The following SRI variants were observed in gnomAD, a reference collection of about 807,000 sequenced individuals.
The protein encoded by SRI is 22 kDa protein.
Under a neutral mutation model 33.3 loss-of-function variants are expected in SRI, and 30 were observed. That is an observed-to-expected ratio of 0.90 (90% CI 0.67 to 1.22). The LOEUF (loss-of-function observed/expected upper bound fraction) is 1.22. Among genes scored for constraint, SRI ranks in the 50% most tolerant of loss-of-function variants. SRI has a pLI of 0.00. For missense variants in SRI, 243 were observed against 250.8 expected (o/e 0.97, Z 0.21); for synonymous variants, 75 against 89.9 (o/e 0.83, Z 0.94).
At chr7:88,207,507 TTTTG>T (rs143320694) in intron 7 of SRI, among the ~76,000 whole-genome samples, 34,173 of 151,968 alleles carry the variant, frequency 0.22, 4,738 homozygotes, top group African/African-American at 0.4. Context: ...CTACAAGTTT[TTTTG>T]TTTGTTTGTT....
At chr7:88,213,586 A>T (rs959627760) in intron 3 of SRI, among the ~76,000 whole-genome samples, 6 of 152,088 alleles carry the variant, frequency 3.9e-5, no homozygotes, top group Non-Finnish European at 8.8e-5. Context: ...ATTCTATGTG[A>T]TTCCACAGCC....
At chr7:88,213,750 A>G (rs555267575) in intron 3 of SRI, among the ~76,000 whole-genome samples, 2 of 152,338 alleles carry the variant, frequency 1.3e-5, no homozygotes, top group African/African-American at 4.8e-5. Flanking sequence ...AGAGCCCTGC[A>G]CTTTATATGT....
intron 3 of SRI, among the ~76,000 whole-genome samples, chr7:88,213,034 C>A (rs1851616146): frequency 1.3e-5 from 2 of 152,182 alleles, no homozygotes; most frequent in Non-Finnish European, 2.9e-5. Context: ...TCAGCAGTAA[C>A]CCAAGCCAGA....
At chr7:88,214,014 A>G (rs1261182011) in intron 3 of SRI, among the ~76,000 whole-genome samples, 2 of 152,216 alleles carry the variant, frequency 1.3e-5, no homozygotes, top group African/African-American at 2.4e-5. Flanking sequence ...CCTAGCTGAC[A>G]GTCTAAGGAA....
intron 6 of SRI, chr7:88,208,867 C>A: frequency 2.7e-6 from 1 of 375,090 alleles, no homozygotes; most frequent in South Asian, 2.9e-5. Context: ...GCCATTACTT[C>A]ATTGTGATAA....
At chr7:88,222,816 G>A (rs1487675122), upstream of SRI, among the ~76,000 whole-genome samples, 1 of 152,098 alleles carries the variant, frequency 6.6e-6, no homozygotes, top group Non-Finnish European at 1.5e-5. Flanking sequence ...GCTAAAACTG[G>A]ATCCCTTCCT....
At chr7:88,208,835 T>TA in intron 6 of SRI, 1 of 436,682 alleles carries the variant, frequency 2.3e-6, no homozygotes, top group Non-Finnish European at 4.2e-6. Flanking sequence ...CCAAAGTCAG[T>TA]AAAAGCTGTG....
At chr7:88,208,001 A>T (rs1358522660) in intron 7 of SRI, 3 of 152,324 alleles carry the variant, frequency 2.0e-5, no homozygotes, top group African/African-American at 7.2e-5. Flanking sequence ...AAAAAAAAAA[A>T]AATTGTGATT....
At chr7:88,220,188 G>A (rs1235783961), upstream of SRI, 10 of 1,314,526 alleles carry the variant, frequency 7.6e-6, no homozygotes, top group South Asian at 1.7e-4. Flanking sequence ...GCGCGGCCGT[G>A]GCTCCCCTGC....
At chr7:88,219,869 G>T in intron 1 of SRI, 107 bp downstream of exon 1, 1 of 1,377,990 alleles carries the variant, frequency 7.3e-7, no homozygotes. Context: ...GAAGGAGCCC[G>T]GGTAGCCGCC....
intron 7 of SRI, 50 bp downstream of exon 7, chr7:88,208,457 C>G: frequency 6.2e-7 from 1 of 1,608,626 alleles, no homozygotes; most frequent in Non-Finnish European, 8.5e-7. Context: ...GGATACCCAT[C>G]TGGTGTACAT....
chr7:88,220,151 G>A (rs759802257), upstream of SRI: 1 of 1,341,396 alleles, frequency 7.5e-7, no homozygotes, highest in Non-Finnish European at 9.5e-7. Context: ...GACGCGCTCC[G>A]CAGTCGTCTC....
chr7:88,218,651 G>C (rs753501889), intron 2 of SRI: 166 of 519,280 alleles, frequency 3.2e-4, no homozygotes, highest in Non-Finnish European at 4.6e-4. Flanking sequence ...CTTTCGAACT[G>C]AACTCACATA....
At chr7:88,208,760 G>A in intron 6 of SRI, 195 bp from the exon 7 acceptor site, 3 of 762,606 alleles carry the variant, frequency 3.9e-6, no homozygotes, top group Admixed American at 3.0e-5. Flanking sequence ...CAAAGTAACA[G>A]GCAGAAGTTG....
At chr7:88,218,985 G>A (rs1456205296) in intron 1 of SRI, 43 bp from the exon 2 acceptor site, 4 of 1,579,866 alleles carry the variant, frequency 2.5e-6, no homozygotes, top group South Asian at 1.1e-5. Flanking sequence ...GCCGAATCAA[G>A]TTTTCTTCTT....
exon 1 of SRI, chr7:88,226,941 G>C (rs1157613545): frequency 6.2e-7 from 1 of 1,613,526 alleles, no homozygotes; most frequent in African/African-American, 1.3e-5. Context: ...ATAGGTAGAA[G>C]CTGGTGATCC....
At chr7:88,211,373 T>C (rs1308701957) in intron 3 of SRI, among the ~76,000 whole-genome samples, 1 of 152,066 alleles carries the variant, frequency 6.6e-6, no homozygotes, top group African/African-American at 2.4e-5. Context: ...GAGAATTGCT[T>C]GCACCTGGGA....
At chr7:88,217,232 A>G (rs1851750236) in intron 2 of SRI, 41 bp from the exon 3 acceptor site, 1 of 1,525,330 alleles carries the variant, frequency 6.6e-7, no homozygotes, top group Admixed American at 1.7e-5. Flanking sequence ...AGTGATTTGT[A>G]CTTTCAAGTT....
intron 2 of SRI, among the ~76,000 whole-genome samples, chr7:88,218,275 T>C (rs1387601401): frequency 5.3e-5 from 8 of 152,174 alleles, no homozygotes; most frequent in Non-Finnish European, 1.0e-4. Context: ...GTGAAAGGTC[T>C]TGGGGAGCTG....
Sources: gnomAD v4.1 joint callset for allele counts (sites outside exome capture counted in the v4.1 genomes callset) on GRCh38, gnomAD v4.1.1 for gene constraint, MANE v1.5 for transcripts, NCBI Gene and HGNC (gene_info 2026-07-23, HGNC 2026-07-21) for gene names.